Variants in GFOD1 observed in about 807,000 individuals in gnomAD.
GFOD1 encodes glucose-fructose oxidoreductase domain-containing protein 1.
A neutral mutation model predicts 25.4 loss-of-function variants in GFOD1; 9 were observed. The ratio of observed to expected loss-of-function variants is 0.35; its 90% CI spans 0.21 to 0.62. GFOD1 has a LOEUF of 0.62. Among genes scored for constraint, GFOD1 ranks in the 20% least tolerant of loss-of-function variants. The probability of loss-of-function intolerance (pLI) is 0.72; values close to 1 mark genes in which losing one functional copy is unlikely to be tolerated. For missense variants in GFOD1, 403 were observed against 556.9 expected (o/e 0.72, Z 2.78); for synonymous variants, 253 against 245.6 (o/e 1.03, Z -0.28).
At chr6:13,475,683 A>G (rs147571755) in intron 1 of GFOD1, among the ~76,000 whole-genome samples, 21,785 of 150,178 alleles carry the variant, frequency 0.15, 2,450 homozygotes, top group African/African-American at 0.31. Flanking sequence ...ACGCCATTGC[A>G]CTCCAGCCTG....
At chr6:13,480,043 C>T in intron 1 of GFOD1, among the ~76,000 whole-genome samples, 1 of 152,200 alleles carries the variant, frequency 6.6e-6, no homozygotes, top group Middle Eastern at 3.2e-3. Flanking sequence ...CCTCTCTCAA[C>T]CCCATTTCCT....
chr6:13,461,869 C>T (rs918862074), intron 1 of GFOD1, among the ~76,000 whole-genome samples: 18 of 152,186 alleles, frequency 1.2e-4, no homozygotes, highest in African/African-American at 4.3e-4. Flanking sequence ...TGATGGGCAC[C>T]AAGAACGCCA....
chr6:13,412,891 G>GA (rs1296785878), intron 1 of GFOD1, among the ~76,000 whole-genome samples: 1 of 152,248 alleles, frequency 6.6e-6, no homozygotes, highest in Non-Finnish European at 1.5e-5. Flanking sequence ...AGGCCTTGGG[G>GA]ATCCTGTCTG....
At chr6:13,374,314 T>C (rs943543029) in intron 1 of GFOD1, among the ~76,000 whole-genome samples, 1 of 150,900 alleles carries the variant, frequency 6.6e-6, no homozygotes, top group Non-Finnish European at 1.5e-5. Context: ...TGTTTGTTTT[T>C]TTTTTTTGAG....
chr6:13,393,712 C>A (rs1218174530), intron 1 of GFOD1, among the ~76,000 whole-genome samples: 1 of 151,752 alleles, frequency 6.6e-6, no homozygotes, highest in Non-Finnish European at 1.5e-5. Flanking sequence ...GGAGTTGTTA[C>A]CTATTCAGTT....
chr6:13,397,569 G>C (rs550909589), intron 1 of GFOD1, among the ~76,000 whole-genome samples: 1 of 152,334 alleles, frequency 6.6e-6, no homozygotes, highest in East Asian at 1.9e-4. Context: ...GCCCACTGGG[G>C]AGAACAGAAG....
chr6:13,365,782 T>G lies in GFOD1; in HGVS notation c.254-120A>C. 1.2e-6 allele frequency: 1 copy of G among 818,886 alleles called. No individual in the cohort carries two copies. Among genetic ancestry groups the G allele is most frequent in the East Asian group, 2.7e-5 (1 of 37,340 alleles). The allele number at this position is 818,886 out of a possible 1,614,324, so 50.7% of individuals were successfully genotyped here. A position where few individuals can be genotyped will look rare whatever the true frequency, so the allele number is the denominator to read the frequency against. ...AAAGAAGGTCAGATGTGGTGGCTCA[T>G]GCCTGTTGTCCCAGCACTTTGGGAG... On this transcript the variant is annotated intron_variant, in intron 1 of 1. Transcript: ENST00000379287. This position sits in a 1 kb window ranked among gnomAD's most constrained non-coding sequence, Gnocchi z 9.2.
intron 1 of GFOD1, among the ~76,000 whole-genome samples, chr6:13,390,842 C>G (rs907020286): frequency 5.1e-5 from 7 of 137,556 alleles, no homozygotes; most frequent in Admixed American, 2.2e-4. Flanking sequence ...ATAACAGTAT[C>G]TACCTCAAAA....
intron 1 of GFOD1, among the ~76,000 whole-genome samples, chr6:13,431,728 C>T (rs1013541519): frequency 2.0e-5 from 3 of 152,208 alleles, no homozygotes; most frequent in Admixed American, 6.5e-5. Context: ...AAGGACCCAG[C>T]ACCTCAATAC....
At chr6:13,377,958 C>A (rs1276824145) in intron 1 of GFOD1, among the ~76,000 whole-genome samples, 1 of 152,176 alleles carries the variant, frequency 6.6e-6, no homozygotes, top group Non-Finnish European at 1.5e-5. Flanking sequence ...TGTGTCCCCA[C>A]CTCTGGGCTC....
intron 1 of GFOD1, among the ~76,000 whole-genome samples, chr6:13,423,622 AG>A (rs1786298356): frequency 6.6e-6 from 1 of 152,082 alleles, no homozygotes; most frequent in South Asian, 2.1e-4. Context: ...ACAGAGGAGG[AG>A]GGTGTTTAGG....
intron 1 of GFOD1, among the ~76,000 whole-genome samples, chr6:13,474,641 C>T (rs1009919699): frequency 1.7e-4 from 26 of 152,178 alleles, no homozygotes; most frequent in African/African-American, 6.0e-4. Context: ...AAGACCATGT[C>T]TTACTTTATA....
At chr6:13,419,661 C>T (rs1786220481) in intron 1 of GFOD1, among the ~76,000 whole-genome samples, 1 of 152,196 alleles carries the variant, frequency 6.6e-6, no homozygotes, top group African/African-American at 2.4e-5. Flanking sequence ...TCCTCTGCAG[C>T]GCCCGTGCCG....
chr6:13,361,186 G>C lies in GFOD1; in HGVS notation c.*3557C>G, dbSNP rs191934902. ...ATTTGCTGCCATGTAGGCTAAGGGG[G>C]GTCTGGGGTGCCCTACAATGCAATT... On this transcript the variant is annotated 3_prime_UTR_variant, in exon 2 of 2. Coordinates refer to ENST00000379287, the MANE Select transcript of GFOD1 (RefSeq NM_018988.4). 1.0e-4 allele frequency: 29 copies of C among 277,426 alleles called. No homozygotes were observed. The highest frequency in any genetic ancestry group is 1.9e-4 in the Non-Finnish European group (27 of 139,912). 17.2% of individuals were successfully genotyped at this position (277,426 alleles called of 1,614,324 possible).
intron 1 of GFOD1, among the ~76,000 whole-genome samples, chr6:13,481,249 C>T (rs1262954180): frequency 2.0e-5 from 3 of 152,170 alleles, no homozygotes; most frequent in South Asian, 2.1e-4. Flanking sequence ...AAAGGCCTCT[C>T]GCCCAAAGTA....
At chr6:13,395,341 C>T (rs1164114170) in intron 1 of GFOD1, among the ~76,000 whole-genome samples, 2 of 152,148 alleles carry the variant, frequency 1.3e-5, no homozygotes, top group Non-Finnish European at 2.9e-5. Context: ...TTGGCATGGC[C>T]ATCTCCCAAG....
intron 1 of GFOD1, among the ~76,000 whole-genome samples, chr6:13,458,757 CAAAAAAAAAAAA>C (rs5874418): frequency 1.0e-4 from 6 of 57,184 alleles, no homozygotes; most frequent in Admixed American, 3.6e-4. Flanking sequence ...TCCCCTTGAG[CAAAAAAAAAAAA>C]AAAAAAAAAA....
chr6:13,449,680 T>C (rs184363355), intron 1 of GFOD1, among the ~76,000 whole-genome samples: 24 of 152,298 alleles, frequency 1.6e-4, no homozygotes, highest in African/African-American at 3.4e-4. Flanking sequence ...CAAGATCTGA[T>C]AGTTTTATAA....
intron 1 of GFOD1, among the ~76,000 whole-genome samples, chr6:13,468,696 G>T (rs1259521210): frequency 1.3e-5 from 2 of 152,158 alleles, no homozygotes; most frequent in Non-Finnish European, 2.9e-5. Flanking sequence ...TCCCCTGGGT[G>T]TTAGGAGAGA....
Sources: allele counts gnomAD v4.1 joint callset (sites outside exome capture counted in the v4.1 genomes callset), GRCh38; gene constraint gnomAD v4.1.1; non-coding constraint Gnocchi (gnomAD v3.1); transcripts MANE v1.5; gene names NCBI Gene and HGNC (gene_info 2026-07-23, HGNC 2026-07-21).